CCDC191: variants seen among roughly 807,000 people sequenced by gnomAD.
CCDC191 encodes coiled-coil domain-containing protein 191.
A neutral mutation model predicts 114.0 loss-of-function variants in CCDC191; 99 were observed. The ratio of observed to expected loss-of-function variants is 0.87; its 90% CI spans 0.74 to 1.03. The LOEUF is 1.03. CCDC191 is among the 50% of genes least tolerant of loss of function. The probability of loss-of-function intolerance (pLI) is 0.00; values close to 1 mark genes in which losing one functional copy is unlikely to be tolerated. For synonymous variants in CCDC191, 351 were observed against 376.0 expected, an observed-to-expected ratio of 0.93 and a Z score of 0.77; for missense variants, 973 against 1,087.0, an observed-to-expected ratio of 0.90 and a Z score of 1.47.
chr3:113,992,808 A>T (rs1036919926), intron 13 of CCDC191, among the ~76,000 whole-genome samples: 2 of 152,230 alleles, frequency 1.3e-5, no homozygotes, highest in African/African-American at 4.8e-5. Flanking sequence ...CACTCATTTT[A>T]TGAGGCCAGC....
At chr3:114,001,046 A>G (rs1364332741) in intron 13 of CCDC191, among the ~76,000 whole-genome samples, 1 of 152,092 alleles carries the variant, frequency 6.6e-6, no homozygotes, top group Non-Finnish European at 1.5e-5. Context: ...TTATCTTCCC[A>G]AGCAGAATTT....
chr3:114,014,910 A>G (rs570203966), intron 8 of CCDC191, among the ~76,000 whole-genome samples: 93 of 152,168 alleles, frequency 6.1e-4, no homozygotes, highest in Admixed American at 3.1e-3. Flanking sequence ...ATAATGTTTA[A>G]TATTTTTGTT....
In CCDC191 at chr3:114,005,566, T is replaced by C; in HGVS notation, c.1810A>G (p.Ser604Gly). 6.8e-6 allele frequency: 11 copies of C among 1,614,062 alleles called. No homozygotes were observed. Among genetic ancestry groups the C allele is most frequent in the Non-Finnish European group, 9.3e-6 (11 of 1,179,980 alleles). ...EHALAVTEAQ[S>G]HLLSKPREEE... ...TCTCTGGGCTTTGACAGCAGGTGGC[T>C]CTGTGCTTCTGTGACTGCTAAGGCA... The change falls in exon 10 of 17, where the codon AGC (serine) becomes GGC (glycine). Residue 604 changes from serine (S) to glycine (G), a missense_variant. Transcript: ENST00000295878.
At position 114,036,702 on chromosome 3, in the gene CCDC191, T is replaced by C. The variant is rs117103025; in HGVS notation, c.500A>G (p.Asp167Gly). Residue 167 changes from aspartate (D) to glycine (G), a missense_variant, in exon 5 of 17, where the codon GAT (aspartate) becomes GGT (glycine). Physicochemically the swap from Asp to Gly is moderately conservative, Grantham distance 94 (BLOSUM62 -1). Coordinates refer to ENST00000295878, the MANE Select transcript of CCDC191 (RefSeq NM_020817.2). ...TCCAAGATCTTCCATCATTGCAGAA[T>C]CTACCACATTTTTATGGAGCAGATG... ...IDHLLHKNVVDSAMMEDLGRK... is the reference protein window; with the variant it reads ...IDHLLHKNVVGSAMMEDLGRK... 2.3e-4 allele frequency: 375 copies of C among 1,601,952 alleles called. 2 individuals carry two copies. In the East Asian group the frequency reaches 8.3e-3, roughly 36 times the overall value.
chr3:113,970,795 C>T (rs1387482920), intron 16 of CCDC191, among the ~76,000 whole-genome samples: 2 of 151,968 alleles, frequency 1.3e-5, no homozygotes, highest in Non-Finnish European at 2.9e-5. Context: ...CCAATTCCCA[C>T]CTATGAGTGA....
chr3:113,980,573 C>T (rs2075112282), intron 14 of CCDC191, 77 bp downstream of exon 14: 1 of 1,361,600 alleles, frequency 7.3e-7, no homozygotes, highest in Non-Finnish European at 9.8e-7. Context: ...CCTACCCTCC[C>T]CCAAGCTTAA....
At chr3:114,045,088 A>G (rs1160423963) in intron 3 of CCDC191, among the ~76,000 whole-genome samples, 1 of 152,180 alleles carries the variant, frequency 6.6e-6, no homozygotes, top group Non-Finnish European at 1.5e-5. Flanking sequence ...TCTAGGCAGC[A>G]TGGGAAATGA....
At chr3:114,028,537 G>C (rs1577446338) in intron 7 of CCDC191, among the ~76,000 whole-genome samples, 1 of 151,912 alleles carries the variant, frequency 6.6e-6, no homozygotes, top group African/African-American at 2.4e-5. Flanking sequence ...CGCCCGCTTT[G>C]GCCTCCCAAA....
chr3:113,998,756 AACAG>A (rs1247572484), intron 13 of CCDC191, among the ~76,000 whole-genome samples: 1 of 152,180 alleles, frequency 6.6e-6, no homozygotes, highest in South Asian at 2.1e-4. Context: ...TTCTCACTGG[AACAG>A]ACACTCTATC....
At chr3:113,974,159 T>C (rs1024076695) in intron 16 of CCDC191, among the ~76,000 whole-genome samples, 2 of 152,046 alleles carry the variant, frequency 1.3e-5, no homozygotes, top group Non-Finnish European at 2.9e-5. Context: ...ATCTGAAAAA[T>C]TTCTGAATTG....
intron 9 of CCDC191, among the ~76,000 whole-genome samples, chr3:114,009,991 C>T (rs1374010777): frequency 6.6e-6 from 1 of 152,028 alleles, no homozygotes; most frequent in Non-Finnish European, 1.5e-5. Flanking sequence ...AAAGAGCTGC[C>T]CCACACCCAA....
intron 1 of CCDC191, among the ~76,000 whole-genome samples, chr3:114,054,497 C>T (rs1345748027): frequency 1.3e-5 from 2 of 152,066 alleles, no homozygotes; most frequent in Non-Finnish European, 2.9e-5. Context: ...ATTAACCAGG[C>T]GTGGTGGCGG....
Position 113,982,857 on chromosome 3 carries a change from C to CAA in CCDC191, c.2164-2066_2164-2065dup, listed in dbSNP as rs55881455. Among the ~76,000 whole-genome samples, 388 of 137,164 alleles carry CAA rather than the reference C, an allele frequency of 2.8e-3. 2 individuals carry two copies. The highest frequency in any genetic ancestry group is 4.0e-3 in the Non-Finnish European group (252 of 63,088). The allele number at this position is 137,164 out of a possible 152,430, so 90.0% of individuals were successfully genotyped here. A position where few individuals can be genotyped will look rare whatever the true frequency, so the allele number is the denominator to read the frequency against. On this transcript the variant is annotated intron_variant, in intron 13 of 16. Coordinates refer to ENST00000295878, the MANE Select transcript of CCDC191 (RefSeq NM_020817.2). ...ATCTCCCCTCTTCAAAACAAAAAAA[C>CAA]AAAAAAAAAAAAACCAAAAATAAAA...
rs200402239 is a variant in CCDC191, at chr3:113,978,200, C to T, written c.2592G>A (p.Ala864=). ...IDSQGKHEIA[A]EHSDRRILWI... is the part of the protein sequence containing the mutation. ...CAAAACCTCACCTGTCACTGTGCTC[C>T]GCTGCAATCTCATGCTTGCCCTGAG... The change falls in exon 16 of 17, where the codon GCG becomes GCA. Residue 864 remains alanine (A), a synonymous_variant. Coordinates refer to ENST00000295878, the MANE Select transcript of CCDC191 (RefSeq NM_020817.2). The T allele has an allele frequency of 3.0e-5, 48 of 1,613,870 alleles. 2 individuals carry two copies. The highest frequency in any genetic ancestry group is 2.0e-4 in the South Asian group (18 of 91,084).
rs1029590062 is a variant in CCDC191 at position 114,046,723 on chromosome 3, T to C, written c.139A>G (p.Lys47Glu). ...SVEHWIKRVE[K>E]ASEFAVSNAF... ...TTTGACACTGCAAACTCTGAGGCTT[T>C]CTCCACTCTCTTCAATATAACAGAA... Residue 47 changes from lysine (K) to glutamate (E), a missense_variant, in exon 3 of 17, where the codon AAA becomes GAA. Transcript: ENST00000295878. 1.1e-5 allele frequency: 17 copies of C among 1,610,052 alleles called. No homozygotes were observed. In the African/African-American group the frequency reaches 1.9e-4, roughly 18 times the overall value.
chr3:114,015,208 A>C (rs557737730), intron 8 of CCDC191, among the ~76,000 whole-genome samples: 1 of 152,244 alleles, frequency 6.6e-6, no homozygotes, highest in East Asian at 1.9e-4. Context: ...TTACAGTAAC[A>C]AAGAACGAAG....
At chr3:113,983,064 T>C (rs1380150781) in intron 13 of CCDC191, among the ~76,000 whole-genome samples, 1 of 152,152 alleles carries the variant, frequency 6.6e-6, no homozygotes, top group Non-Finnish European at 1.5e-5. Context: ...CTGAAAGCCC[T>C]GTTGCCTAGG....
chr3:114,038,953 T>C (rs1472885116), intron 4 of CCDC191, among the ~76,000 whole-genome samples: 3 of 152,126 alleles, frequency 2.0e-5, no homozygotes, highest in Non-Finnish European at 4.4e-5. Flanking sequence ...TGGGTTGATC[T>C]GTGTAGCAAA....
At chr3:113,993,927 C>T (rs115885666) in intron 13 of CCDC191, among the ~76,000 whole-genome samples, 2,663 of 151,932 alleles carry the variant, frequency 0.018, 59 homozygotes, top group African/African-American at 0.059. Context: ...CCAAATAGAC[C>T]ACAGACCTAA....
Sources: gnomAD v4.1 joint callset for allele counts (sites outside exome capture counted in the v4.1 genomes callset) on GRCh38, gnomAD v4.1.1 for gene constraint, MANE v1.5 for transcripts, NCBI Gene and HGNC (gene_info 2026-07-23, HGNC 2026-07-21) for gene names.